Variants in ZNF385B observed in about 807,000 individuals in gnomAD.
The protein encoded by ZNF385B is zinc finger protein 533.
In ZNF385B, 23 loss-of-function variants were observed where a neutral mutation model predicts 39.2. That is an observed-to-expected ratio of 0.59 (90% confidence interval 0.42 to 0.83). The LOEUF (loss-of-function observed/expected upper bound fraction) is 0.83, where lower values mean the gene tolerates loss of function less well. Among genes scored for constraint, ZNF385B ranks in the 40% least tolerant of loss-of-function variants. ZNF385B has a pLI of 0.00. For synonymous variants in ZNF385B, 205 were observed against 222.6 expected (o/e 0.92, Z 0.70); for missense variants, 552 against 598.9 (o/e 0.92, Z 0.82).
chr2:179,834,224 T>C (rs1441046941), intron 1 of ZNF385B, among the ~76,000 whole-genome samples: 1 of 152,072 alleles, frequency 6.6e-6, no homozygotes, highest in Non-Finnish European at 1.5e-5. Flanking sequence ...GTAATAAACA[T>C]AGCTAGTTCC....
intron 4 of ZNF385B, among the ~76,000 whole-genome samples, chr2:179,525,897 G>A (rs2058854815): frequency 6.6e-6 from 1 of 151,994 alleles, no homozygotes; most frequent in Admixed American, 6.6e-5. Flanking sequence ...CTTTTATGTT[G>A]ATGTTTTACT....
At chr2:179,559,276 G>A (rs1055415925) in intron 3 of ZNF385B, among the ~76,000 whole-genome samples, 4 of 152,084 alleles carry the variant, frequency 2.6e-5, no homozygotes, top group African/African-American at 9.7e-5. Context: ...CCCTTTTCCT[G>A]AGAAACATGG....
chr2:179,523,989 G>A (rs1174893031), intron 4 of ZNF385B, among the ~76,000 whole-genome samples: 2 of 151,510 alleles, frequency 1.3e-5, no homozygotes, highest in South Asian at 2.1e-4. Flanking sequence ...ATAGAGACAG[G>A]GTCTCACTAT....
At chr2:179,737,576 G>T (rs1427510532) in intron 3 of ZNF385B, among the ~76,000 whole-genome samples, 1 of 152,012 alleles carries the variant, frequency 6.6e-6, no homozygotes, top group Non-Finnish European at 1.5e-5. Flanking sequence ...ATTGAAAAAA[G>T]AATCTAAAAA....
At chr2:179,508,887 T>G (rs1293330747) in intron 5 of ZNF385B, among the ~76,000 whole-genome samples, 1 of 152,174 alleles carries the variant, frequency 6.6e-6, no homozygotes, top group Middle Eastern at 3.2e-3. Context: ...TGATGTGTAT[T>G]GTATATTTCC....
intron 1 of ZNF385B, among the ~76,000 whole-genome samples, chr2:179,857,440 G>C (rs1197242835): frequency 6.6e-6 from 1 of 152,214 alleles, no homozygotes; most frequent in Non-Finnish European, 1.5e-5. Flanking sequence ...CTGGAGTGCA[G>C]AGGGAGATCA....
intron 1 of ZNF385B, among the ~76,000 whole-genome samples, chr2:179,839,682 A>G (rs1357744724): frequency 6.6e-6 from 1 of 152,204 alleles, no homozygotes; most frequent in Non-Finnish European, 1.5e-5. Flanking sequence ...AGAACTATTT[A>G]CAAGCACACA....
At chr2:179,808,857 G>A (rs935902176) in intron 1 of ZNF385B, among the ~76,000 whole-genome samples, 1 of 152,136 alleles carries the variant, frequency 6.6e-6, no homozygotes, top group Admixed American at 6.5e-5. Flanking sequence ...TGATTAACAG[G>A]AAAATAAAGT....
intron 3 of ZNF385B, among the ~76,000 whole-genome samples, chr2:179,587,050 CA>C (rs960668517): frequency 2.0e-5 from 3 of 151,880 alleles, no homozygotes; most frequent in African/African-American, 7.2e-5. Flanking sequence ...AAAAAACAAA[CA>C]AAAAAAATTA....
intron 6 of ZNF385B, among the ~76,000 whole-genome samples, chr2:179,470,000 T>G (rs1044831587): frequency 6.6e-6 from 1 of 152,186 alleles, no homozygotes; most frequent in Non-Finnish European, 1.5e-5. Context: ...GAGATTCCTT[T>G]GCAACTGACA....
At chr2:179,517,740 A>G (rs1223440811) in intron 5 of ZNF385B, among the ~76,000 whole-genome samples, 1 of 152,132 alleles carries the variant, frequency 6.6e-6, no homozygotes, top group Non-Finnish European at 1.5e-5. Flanking sequence ...TTACTTGGTA[A>G]TTGGATATTG....
chr2:179,526,623 A>T (rs1476488188), intron 4 of ZNF385B, among the ~76,000 whole-genome samples: 1 of 151,998 alleles, frequency 6.6e-6, no homozygotes, highest in Non-Finnish European at 1.5e-5. Flanking sequence ...AAAGAAAAAA[A>T]AATACAGTAA....
rs758924141 is a variant in ZNF385B, at chr2:179,445,460, G to A, written c.1140+90C>T. 1.5e-5 allele frequency: 19 copies of A among 1,306,268 alleles called. 1 individual carries two copies. In the South Asian group the frequency reaches 2.3e-4, roughly 16 times the overall value. 80.9% of individuals were successfully genotyped at this position (1,306,268 alleles called of 1,614,324 possible). On this transcript the variant is annotated intron_variant, in intron 8 of 9. Coordinates refer to ENST00000410066, the MANE Select transcript of ZNF385B (RefSeq NM_152520.6). Reference sequence around the variant, plus strand: ...TACAAAAGTTAGTCAACTTAACTGTGAGCACAGTAAAAACCATTCTATAGA... The same window carrying A: ...TACAAAAGTTAGTCAACTTAACTGTAAGCACAGTAAAAACCATTCTATAGA...
intron 3 of ZNF385B, among the ~76,000 whole-genome samples, chr2:179,620,907 A>T (rs1045655863): frequency 6.6e-6 from 1 of 152,144 alleles, no homozygotes; most frequent in Admixed American, 6.6e-5. Flanking sequence ...AGTTGTATAC[A>T]TGTCTGGTGT....
intron 1 of ZNF385B, among the ~76,000 whole-genome samples, chr2:179,777,580 T>G (rs1704402632): frequency 6.6e-6 from 1 of 152,008 alleles, no homozygotes; most frequent in Non-Finnish European, 1.5e-5. Context: ...AAGCACTATA[T>G]TTTTTAATTT....
At chr2:179,532,230 G>A (rs2059295469) in intron 4 of ZNF385B, among the ~76,000 whole-genome samples, 1 of 152,160 alleles carries the variant, frequency 6.6e-6, no homozygotes, top group South Asian at 2.1e-4. Context: ...TTACTTCCAG[G>A]CAAAACTATT....
At chr2:179,606,179 C>T (rs1688785213) in intron 3 of ZNF385B, among the ~76,000 whole-genome samples, 1 of 152,110 alleles carries the variant, frequency 6.6e-6, no homozygotes, top group Admixed American at 6.5e-5. Context: ...AAATGATCAA[C>T]TAGCAGAAAA....
chr2:179,511,762 T>C (rs972880846), intron 5 of ZNF385B, among the ~76,000 whole-genome samples: 4 of 152,104 alleles, frequency 2.6e-5, no homozygotes, highest in Non-Finnish European at 5.9e-5. Context: ...TGTAAATCAA[T>C]GAAATGGCAT....
chr2:179,685,681 G>C (rs16866924), intron 3 of ZNF385B, among the ~76,000 whole-genome samples: 17,269 of 138,576 alleles, frequency 0.12, 1,381 homozygotes, highest in African/African-American at 0.25. Context: ...CACAGGGCCT[G>C]ACACAGAAAG....
Sources: allele counts gnomAD v4.1 joint callset (sites outside exome capture counted in the v4.1 genomes callset), GRCh38; gene constraint gnomAD v4.1.1; transcripts MANE v1.5; gene names NCBI Gene and HGNC (gene_info 2026-07-23, HGNC 2026-07-21).